The following ADAM12 variants were observed in gnomAD, a reference collection of about 807,000 sequenced individuals.
The protein encoded by ADAM12 is disintegrin and metalloproteinase domain-containing protein 12.
In ADAM12, 70 loss-of-function variants were observed where a neutral mutation model predicts 106.4. The observed-to-expected ratio is 0.66, with a 90% CI of 0.54 to 0.80. The LOEUF is 0.80. ADAM12 is among the 30% of genes least tolerant of loss of function. The probability of loss-of-function intolerance (pLI) is 0.00; values close to 1 mark genes in which losing one functional copy is unlikely to be tolerated. For synonymous variants in ADAM12, 420 were observed against 433.5 expected (o/e 0.97, Z 0.39); for missense variants, 1,010 against 1,171.9 (o/e 0.86, Z 2.02).
chr10:126,225,419 A>C (rs1958174315), intron 3 of ADAM12, among the ~76,000 whole-genome samples: 1 of 152,206 alleles, frequency 6.6e-6, no homozygotes, highest in African/African-American at 2.4e-5. Context: ...ACGCCCAGAG[A>C]AGTAAAGAAA....
intron 1 of ADAM12, among the ~76,000 whole-genome samples, chr10:126,336,325 T>A (rs879302617): frequency 6.6e-6 from 1 of 152,160 alleles, no homozygotes; most frequent in African/African-American, 2.4e-5. Flanking sequence ...AATAATCATG[T>A]CATTCTGGAG....
intron 3 of ADAM12, among the ~76,000 whole-genome samples, chr10:126,247,692 G>A (rs926120035): frequency 2.6e-5 from 4 of 152,178 alleles, no homozygotes; most frequent in South Asian, 2.1e-4. Context: ...ATTCTTCGCT[G>A]TTATCTAGTT....
intron 14 of ADAM12, among the ~76,000 whole-genome samples, chr10:126,055,520 T>G (rs1036175415): frequency 1.3e-5 from 2 of 152,222 alleles, no homozygotes; most frequent in Admixed American, 6.5e-5. Context: ...AAGGTCTACA[T>G]TCTCCCCATT....
intron 3 of ADAM12, among the ~76,000 whole-genome samples, chr10:126,159,348 G>C (rs1165209788): frequency 6.9e-6 from 1 of 145,122 alleles, no homozygotes; most frequent in Non-Finnish European, 1.5e-5. Flanking sequence ...CACTTGACCA[G>C]CTTAAATATT....
intron 1 of ADAM12, among the ~76,000 whole-genome samples, chr10:126,387,121 C>T (rs1008627722): frequency 1.3e-5 from 2 of 152,166 alleles, no homozygotes; most frequent in African/African-American, 2.4e-5. Context: ...AATCACAGAA[C>T]TTGAGAGCTT....
chr10:126,057,222 G>A lies in ADAM12; in HGVS notation c.1610-7553C>T, dbSNP rs1474704854. On this transcript the variant is annotated intron_variant, in intron 14 of 22. Coordinates refer to ENST00000448723, the MANE Select transcript of ADAM12 (RefSeq NM_001288973.2). The stretch of plus-strand genomic sequence containing the variant: ...GGCCAGTGATGATGAGCCCGGGGTC[G>A]GGGGAGGGGGGAGGGATAGCATTGG... Among the ~76,000 whole-genome samples, 94 of 45,908 alleles carry A rather than the reference G, an allele frequency of 2.0e-3. 20 individuals carry two copies. Among genetic ancestry groups the A allele is most frequent in the African/African-American group, 6.6e-3 (88 of 13,278 alleles). The allele number at this position is 45,908 out of a possible 152,430, so 30.1% of individuals were successfully genotyped here.
chr10:126,019,670 G>T (rs1386866042), intron 22 of ADAM12, 25 bp downstream of exon 22: 1 of 1,607,392 alleles, frequency 6.2e-7, no homozygotes, highest in South Asian at 1.1e-5. Flanking sequence ...GAGAGAAAGA[G>T]ATGGGCATGG....
chr10:126,200,240 G>A (rs1957673935), intron 3 of ADAM12, among the ~76,000 whole-genome samples: 1 of 152,200 alleles, frequency 6.6e-6, no homozygotes. Flanking sequence ...GAGCAGGAAG[G>A]ACTCCAGACT....
chr10:126,248,791 C>T (rs1251966187), intron 3 of ADAM12, among the ~76,000 whole-genome samples: 4 of 152,070 alleles, frequency 2.6e-5, no homozygotes, highest in East Asian at 1.9e-4. Flanking sequence ...CTGTAACCTC[C>T]GCCTCCTGGG....
intron 2 of ADAM12, among the ~76,000 whole-genome samples, chr10:126,307,704 C>A (rs1590759494): frequency 6.6e-6 from 1 of 152,028 alleles, no homozygotes; most frequent in South Asian, 2.1e-4. Context: ...CCATGCCCAG[C>A]TAATTTTTGT....
intron 11 of ADAM12, among the ~76,000 whole-genome samples, chr10:126,086,662 AAAAAAAAAAAAAAAAAAAATATAT>A (rs1294601011): frequency 6.3e-5 from 3 of 47,278 alleles, no homozygotes; most frequent in East Asian, 2.8e-3. Flanking sequence ...AAAAAAAAAA[AAAAAAAAAAAAAAAAAAAATATAT>A]ATATATATAT....
chr10:126,262,716 A>C (rs1040158460), intron 3 of ADAM12, among the ~76,000 whole-genome samples: 13 of 152,176 alleles, frequency 8.5e-5, no homozygotes, highest in Non-Finnish European at 1.8e-4. Context: ...TTCTATCATA[A>C]CTGCTTTAAA....
chr10:126,056,786 A>AT (rs1248513577), intron 14 of ADAM12, among the ~76,000 whole-genome samples: 1 of 50,292 alleles, frequency 2.0e-5, no homozygotes, highest in Non-Finnish European at 4.2e-5. Flanking sequence ...TGAACTCATC[A>AT]TTTTTTATGG....
At chr10:126,147,540 C>T (rs7085290) in intron 4 of ADAM12, among the ~76,000 whole-genome samples, 49,772 of 152,006 alleles carry the variant, frequency 0.33, 8,453 homozygotes, top group Non-Finnish European at 0.38. Context: ...TTCATCAGCT[C>T]CTAAACACTT....
chr10:126,100,614 T>C (rs1256139470), intron 9 of ADAM12, among the ~76,000 whole-genome samples: 1 of 147,928 alleles, frequency 6.8e-6, no homozygotes, highest in African/African-American at 2.5e-5. Flanking sequence ...ACTCGGGAGG[T>C]TGAGGCAGGA....
intron 21 of ADAM12, among the ~76,000 whole-genome samples, chr10:126,034,005 TTA>T (rs1172080571): frequency 2.8e-4 from 43 of 152,334 alleles, no homozygotes; most frequent in African/African-American, 9.9e-4. Flanking sequence ...GTTTTAAAGA[TTA>T]TGTTTGGCTG....
chr10:126,278,788 C>T, intron 3 of ADAM12, 127 bp downstream of exon 3: 1 of 635,778 alleles, frequency 1.6e-6, no homozygotes, highest in Non-Finnish European at 2.6e-6. Flanking sequence ...ACCTCAAATC[C>T]AAATTTGGAT....
At chr10:126,209,278 C>A (rs1038322542) in intron 3 of ADAM12, among the ~76,000 whole-genome samples, 1 of 152,160 alleles carries the variant, frequency 6.6e-6, no homozygotes, top group African/African-American at 2.4e-5. Flanking sequence ...ATTGTAGCAT[C>A]CCTGAGTATA....
intron 5 of ADAM12, among the ~76,000 whole-genome samples, chr10:126,122,675 C>T (rs760325813): frequency 6.6e-5 from 10 of 152,078 alleles, no homozygotes; most frequent in Admixed American, 1.3e-4. Flanking sequence ...GTGGGAGAAT[C>T]GCTTGAACCC....
Sources: allele counts gnomAD v4.1 joint callset (sites outside exome capture counted in the v4.1 genomes callset), GRCh38; gene constraint gnomAD v4.1.1; transcripts MANE v1.5; gene names NCBI Gene and HGNC (gene_info 2026-07-23, HGNC 2026-07-21).